Variants in TJAP1 observed in about 807,000 individuals in gnomAD.
TJAP1 encodes the protein tight junction-associated protein 1.
TJAP1 carries 27 observed loss-of-function variants against 42.0 expected under a neutral mutation model. The ratio of observed to expected loss-of-function variants is 0.64; its 90% CI spans 0.47 to 0.89. TJAP1 has a LOEUF of 0.89. Among genes scored for constraint, TJAP1 ranks in the 40% least tolerant of loss-of-function variants. TJAP1 has a pLI of 0.00. For synonymous variants in TJAP1, 257 were observed against 288.4 expected (o/e 0.89, Z 1.10); for missense variants, 712 against 726.9 (o/e 0.98, Z 0.24).
At chr6:43,504,880 C>G in exon 11 of TJAP1, 1 of 1,614,224 alleles carries the variant, frequency 6.2e-7, no homozygotes, top group Non-Finnish European at 8.5e-7. Context: ...CAGTCATTGC[C>G]CGAGTGTTAG....
At chr6:43,490,200 G>A (rs1787494254) in intron 2 of TJAP1, among the ~76,000 whole-genome samples, 1 of 152,204 alleles carries the variant, frequency 6.6e-6, no homozygotes. Flanking sequence ...TCCCTTTGCT[G>A]TGGGTGGGGA....
At chr6:43,488,291 G>C (rs1039199990) in intron 2 of TJAP1, among the ~76,000 whole-genome samples, 9 of 152,222 alleles carry the variant, frequency 5.9e-5, no homozygotes, top group Non-Finnish European at 1.2e-4. Flanking sequence ...CCCTGTTGGA[G>C]CCGCTGAGGA....
At chr6:43,499,031 C>T (rs769298165) in exon 4 of TJAP1, 1 of 1,614,156 alleles carries the variant, frequency 6.2e-7, no homozygotes, top group South Asian at 1.1e-5. Flanking sequence ...CTAAGAAACC[C>T]TACCGTAAGG....
intron 3 of TJAP1, 118 bp from the exon 4 acceptor site, chr6:43,498,860 G>A (rs1789849279): frequency 9.2e-7 from 1 of 1,088,758 alleles, no homozygotes. Context: ...AATGGCCCAG[G>A]CCTGTCAGCC....
chr6:43,502,987 C>T, intron 8 of TJAP1: 1 of 459,340 alleles, frequency 2.2e-6, no homozygotes, highest in Non-Finnish European at 4.0e-6. Context: ...AACAAGGTGC[C>T]CTGGCTGCCA....
chr6:43,492,604 C>T lies in TJAP1; in HGVS notation c.-121-5277C>T, dbSNP rs1428582621. 2.0e-5 allele frequency among the ~76,000 whole-genome samples: 3 copies of T among 152,196 alleles called. No homozygotes were observed. The East Asian group carries it at 5.8e-4, about 29-fold the overall frequency. ...ACCCCGGAGACGATGTGGGCGAGGC[C>T]GAACCCAGTTTTGGTGGGATCAGCC... On this transcript the variant is annotated intron_variant, in intron 2 of 10. Transcript: ENST00000372449. The surrounding 1 kb of genome is among the most constrained non-coding windows in gnomAD (Gnocchi z 4.2).
intron 6 of TJAP1, 63 bp downstream of exon 6, chr6:43,501,750 ACACACACACTCT>A (rs1407378519): frequency 6.6e-5 from 42 of 636,070 alleles, no homozygotes; most frequent in East Asian, 2.0e-4. Context: ...ACACACACAC[ACACACACACTCT>A]CTCTGTCTCT....
chr6:43,486,078 G>A (rs545596315), intron 2 of TJAP1, among the ~76,000 whole-genome samples: 1 of 144,496 alleles, frequency 6.9e-6, no homozygotes, highest in East Asian at 2.2e-4. Flanking sequence ...TTCAAGCAAT[G>A]CTCAGCCTCC....
At chr6:43,482,456 T>C (rs888417455) in intron 2 of TJAP1, among the ~76,000 whole-genome samples, 1 of 152,182 alleles carries the variant, frequency 6.6e-6, no homozygotes, top group African/African-American at 2.4e-5. Context: ...CTGACCTCAT[T>C]CTAGCCTCTA....
rs1788077237 is a variant in TJAP1 at position 43,492,719 on chromosome 6, C to T, written c.-121-5162C>T. On this transcript the variant is annotated intron_variant, in intron 2 of 10. Coordinates refer to ENST00000372449, the Ensembl canonical transcript of TJAP1. The surrounding 1 kb of genome is among the most constrained non-coding windows in gnomAD (Gnocchi z 4.2). ...GGAGTGGGGATCTTCATGAGCAATC[C>T]CCAGGACCAAGGCCAGGTCACCTGG... Among the ~76,000 whole-genome samples, 1 of 152,134 alleles carries T rather than the reference C, an allele frequency of 6.6e-6. No individual in the cohort carries two copies. Among genetic ancestry groups the T allele is most frequent in the Non-Finnish European group, 1.5e-5 (1 of 68,014 alleles).
Position 43,488,191 on chromosome 6 carries a change from C to T in TJAP1, c.-121-9690C>T, listed in dbSNP as rs114811449. Among the ~76,000 whole-genome samples, 1,082 of 152,204 alleles carry T rather than the reference C, an allele frequency of 7.1e-3. 9 individuals carry two copies. Among genetic ancestry groups the T allele is most frequent in the African/African-American group, 0.025 (1,028 of 41,520 alleles). ...CTGGCCTCTAATAGCTTTTTTTATA[C>T]GTCTAGACATTCCTCACCAAAACTC... On this transcript the variant is annotated intron_variant, in intron 2 of 10. Transcript: ENST00000372449.
chr6:43,490,892 C>T (rs1326080697), intron 2 of TJAP1, among the ~76,000 whole-genome samples: 3 of 152,248 alleles, frequency 2.0e-5, no homozygotes, highest in Non-Finnish European at 4.4e-5. Context: ...CTTGGAGAAG[C>T]TCCCACGCAG....
At chr6:43,480,316 G>C (rs779547457) in intron 2 of TJAP1, among the ~76,000 whole-genome samples, 1 of 152,182 alleles carries the variant, frequency 6.6e-6, no homozygotes, top group Non-Finnish European at 1.5e-5. Context: ...GGATAATACA[G>C]ATTTTTTTGT....
intron 2 of TJAP1, among the ~76,000 whole-genome samples, chr6:43,493,461 G>A (rs981884299): frequency 7.2e-5 from 11 of 152,296 alleles, no homozygotes; most frequent in African/African-American, 2.6e-4. Flanking sequence ...AGTGCAGAAC[G>A]TGGGGAGCTG....
At position 43,505,377 on chromosome 6, in the gene TJAP1, C is replaced by T. The variant is rs1792089901; in HGVS notation, c.1196C>T (p.Ala399Val). ...AGCCCAGCACCCCTAACACTCAGTG[C>T]CCCAGCTAGCTCTGCCAGCTCTGAA... Residue 399 changes from alanine to valine, a missense_variant, in exon 11 of 11, where the codon GCC becomes GTC. By Grantham distance (64) the Ala-to-Val change is moderately conservative. Around this residue, in one of 3 missense-constraint regions of TJAP1, gnomAD observed 549 missense variants for 528.2 expected, o/e 1.04. Coordinates refer to ENST00000372449, the Ensembl canonical transcript of TJAP1. The surrounding 1 kb of genome is among the most constrained non-coding windows in gnomAD (Gnocchi z 5.5). 1.2e-6 allele frequency: 2 copies of T among 1,610,128 alleles called. No homozygotes were observed. The highest frequency in any genetic ancestry group is 3.3e-5 in the Admixed American group (2 of 59,898).
Position 43,489,651 on chromosome 6 carries a change from C to T in TJAP1, c.-121-8230C>T, listed in dbSNP as rs536563094. 6 of 152,274 alleles carry T rather than the reference C, an allele frequency of 3.9e-5. No homozygotes were observed. In the East Asian group the frequency reaches 1.2e-3, roughly 29 times the overall value. 9.4% of individuals were successfully genotyped at this position (152,274 alleles called of 1,614,324 possible). ...AACAGGCGAGATAGAGGAGCTGAGC[C>T]CCTTCTCCAACAGCCGTCCTCTCTT... On this transcript the variant is annotated intron_variant, in intron 2 of 10. Transcript: ENST00000372449.
Position 43,505,365 on chromosome 6 carries a change from T to TAACACTCAGC in TJAP1, c.1193_1194insCAACACTCAG (p.Ala399AsnfsTer7). 6.2e-7 allele frequency: 1 copy of TAACACTCAGC among 1,609,114 alleles called. No individual in the cohort carries two copies. The highest frequency in any genetic ancestry group is 8.5e-7 in the Non-Finnish European group (1 of 1,179,466). ...CACCACCAGCCCAGCCCAGCACCCCTAACACTCAGTGCCCCAGCTAGCTCT... is the reference window on the plus strand; with the variant it reads ...CACCACCAGCCCAGCCCAGCACCCCTAACACTCAGCAACACTCAGTGCCCCAGCTAGCTCT... On this transcript the variant is annotated frameshift_variant, in exon 11 of 11. Transcript: ENST00000372449. LOFTEE classifies it low-confidence loss of function (END_TRUNC). The surrounding 1 kb of genome is among the most constrained non-coding windows in gnomAD (Gnocchi z 5.5).
At chr6:43,479,215 C>G (rs185854633) in intron 2 of TJAP1, among the ~76,000 whole-genome samples, 2 of 152,186 alleles carry the variant, frequency 1.3e-5, no homozygotes, top group Non-Finnish European at 2.9e-5. Context: ...GGATCAGCAT[C>G]GCTTCATGGT....
At chr6:43,501,420 C>T in intron 5 of TJAP1, 106 bp from the exon 6 acceptor site, 3 of 1,001,602 alleles carry the variant, frequency 3.0e-6, no homozygotes, top group Non-Finnish European at 1.5e-6. Context: ...GTCCTGTTTG[C>T]CTGTCCTCAT....
Sources: gnomAD v4.1 joint callset for allele counts (sites outside exome capture counted in the v4.1 genomes callset) on GRCh38, gnomAD v4.1.1 for gene constraint, gnomAD v4.1.1 regional missense constraint, Gnocchi (gnomAD v3.1) non-coding constraint, MANE v1.5 for transcripts, NCBI Gene and HGNC (gene_info 2026-07-23, HGNC 2026-07-21) for gene names.